The following CELF2 variants were observed in gnomAD, a reference collection of about 807,000 sequenced individuals.
CELF2 encodes CUG triplet repeat RNA-binding protein 2.
In CELF2, 8 loss-of-function variants were observed where a neutral mutation model predicts 62.6. The ratio of observed to expected loss-of-function variants is 0.13; its 90% confidence interval spans 0.07 to 0.23. The LOEUF (loss-of-function observed/expected upper bound fraction) is 0.23, where lower values mean the gene tolerates loss of function less well. Ranked by LOEUF, CELF2 falls within the 10% of genes least tolerant of loss-of-function variation. The pLI, the probability that CELF2 is intolerant of heterozygous loss-of-function variation, is 1.00. For missense variants in CELF2, 333 were observed against 671.0 expected (o/e 0.50, Z 5.56); for synonymous variants, 258 against 250.0 (o/e 1.03, Z -0.30).
chr10:10,510,759 G>A, the CELF2 span, among the ~76,000 whole-genome samples: 1 of 152,162 alleles, frequency 6.6e-6, no homozygotes, highest in South Asian at 2.1e-4. Context: ...AAGAGTGCTG[G>A]GCAGTTGATG....
At chr10:10,883,678 C>T (rs112736675) in intron 1 of CELF2, among the ~76,000 whole-genome samples, 117 of 152,138 alleles carry the variant, frequency 7.7e-4, no homozygotes, top group African/African-American at 2.5e-3. Context: ...TGAGACGGTG[C>T]GGAGTCCTGT....
chr10:11,053,739 C>T (rs1026146458), intron 1 of CELF2, among the ~76,000 whole-genome samples: 12 of 151,412 alleles, frequency 7.9e-5, no homozygotes, highest in African/African-American at 1.7e-4. Flanking sequence ...CTCAGCCTCC[C>T]GAGTAGCTGG....
chr10:10,476,739 T>C, the CELF2 span, among the ~76,000 whole-genome samples: 1 of 152,174 alleles, frequency 6.6e-6, no homozygotes, highest in Admixed American at 6.6e-5. Flanking sequence ...ATGAGAACCT[T>C]TGCATATTCT....
intron 1 of CELF2, among the ~76,000 whole-genome samples, chr10:10,857,649 G>GTTTTTA (rs1554855649): frequency 3.2e-5 from 3 of 94,258 alleles, no homozygotes; most frequent in Non-Finnish European, 5.8e-5. Context: ...CATATATATA[G>GTTTTTA]TATATATATA....
the CELF2 span, among the ~76,000 whole-genome samples, chr10:10,717,516 A>G: frequency 1.5e-4 from 23 of 152,304 alleles, no homozygotes; most frequent in African/African-American, 5.3e-4. Flanking sequence ...AAATAAATTT[A>G]TATTTAGTTC....
At chr10:10,642,969 T>C in the CELF2 span, among the ~76,000 whole-genome samples, 1 of 152,278 alleles carries the variant, frequency 6.6e-6, no homozygotes, top group African/African-American at 2.4e-5. Flanking sequence ...ATTCCTCATC[T>C]GTGTCTGTGG....
At chr10:11,025,940 ACT>A (rs1338153769) in intron 1 of CELF2, among the ~76,000 whole-genome samples, 4 of 151,710 alleles carry the variant, frequency 2.6e-5, no homozygotes, top group African/African-American at 9.7e-5. Context: ...AAAAGCTCAG[ACT>A]CTTTCCCTTT....
intron 1 of CELF2, among the ~76,000 whole-genome samples, chr10:10,830,300 C>T (rs534070808): frequency 2.5e-5 from 3 of 120,094 alleles, no homozygotes; most frequent in East Asian, 2.5e-4. Flanking sequence ...AAAAAAAAGC[C>T]GACAGAAGGA....
At chr10:10,695,740 G>C in the CELF2 span, among the ~76,000 whole-genome samples, 1 of 151,942 alleles carries the variant, frequency 6.6e-6, no homozygotes, top group African/African-American at 2.4e-5. Flanking sequence ...TTCCCATCTC[G>C]CTTCATTTCA....
At chr10:10,523,470 T>C in the CELF2 span, among the ~76,000 whole-genome samples, 4 of 152,234 alleles carry the variant, frequency 2.6e-5, no homozygotes, top group African/African-American at 7.2e-5. Context: ...TATCTTACTA[T>C]AGTGCTGTAT....
chr10:10,780,085 A>G, the CELF2 span, among the ~76,000 whole-genome samples: 208 of 152,288 alleles, frequency 1.4e-3, no homozygotes, highest in African/African-American at 4.9e-3. Context: ...TGACAGTAGA[A>G]TGTTTTGTGT....
At chr10:10,544,819 G>A in the CELF2 span, among the ~76,000 whole-genome samples, 494 of 152,292 alleles carry the variant, frequency 3.2e-3, 2 homozygotes, top group Middle Eastern at 0.017. Flanking sequence ...TCACTGACAA[G>A]AACTGAATAG....
In CELF2 at chr10:10,939,273, T is replaced by TGTGGTG. The variant is rs879457464; in HGVS notation, c.89+19275_89+19280dup. Among the ~76,000 whole-genome samples the TGTGGTG allele has an allele frequency of 4.3e-3, 431 of 99,122 alleles. 2 individuals carry two copies. The highest frequency in any genetic ancestry group is 0.024 in the African/African-American group (410 of 17,390). The allele number at this position is 99,122 out of a possible 152,430, so 65.0% of individuals were successfully genotyped here. A position where few individuals can be genotyped will look rare whatever the true frequency, so the allele number is the denominator to read the frequency against. ...TGATAATTAGCAAGTTCTTTTGTTT[T>TGTGGTG]GTGGTGTTGTTGTTGTTGTTGTTGT... On this transcript the variant is annotated intron_variant, in intron 2 of 13. Transcript: ENST00000636488.
chr10:11,286,176 C>A (rs1225037035), intron 8 of CELF2, among the ~76,000 whole-genome samples: 1 of 152,200 alleles, frequency 6.6e-6, no homozygotes, highest in Admixed American at 6.5e-5. Context: ...ATGTCTCTGA[C>A]CCAAGTGGGC....
In CELF2 at chr10:11,165,408, TC is replaced by T. The variant is rs1393988979; in HGVS notation, c.75-73del. 1.4e-6 allele frequency: 2 copies of T among 1,474,822 alleles called. No homozygotes were observed. Among genetic ancestry groups the T allele is most frequent in the Non-Finnish European group, 1.8e-6 (2 of 1,095,644 alleles). The allele number at this position is 1,474,822 out of a possible 1,614,324, so 91.4% of individuals were successfully genotyped here. On this transcript the variant is annotated intron_variant, in intron 1 of 12. Transcript: ENST00000633077. The surrounding 1 kb of genome is among the most constrained non-coding windows in gnomAD (Gnocchi z 7.4). ...CTTCCTCCTCCTTCCGCCTCCCCGC[TC>T]CCCCACCCCCACTATTTTTTCTTCC...
intron 1 of CELF2, among the ~76,000 whole-genome samples, chr10:11,076,234 C>T (rs1254032593): frequency 6.6e-6 from 1 of 151,508 alleles, no homozygotes; most frequent in South Asian, 2.1e-4. Flanking sequence ...TACTCCTCCT[C>T]GAGAAAGATT....
At chr10:10,697,949 C>T in the CELF2 span, among the ~76,000 whole-genome samples, 2 of 152,162 alleles carry the variant, frequency 1.3e-5, no homozygotes, top group South Asian at 4.1e-4. Flanking sequence ...TGTGCCACTA[C>T]TCCCAGCTAA....
chr10:10,545,950 C>T, the CELF2 span, among the ~76,000 whole-genome samples: 10 of 152,142 alleles, frequency 6.6e-5, no homozygotes, highest in African/African-American at 2.4e-4. Flanking sequence ...AGCTCCTCCT[C>T]AGAGGTGTTT....
chr10:11,036,551 A>G (rs1253558983), intron 1 of CELF2, among the ~76,000 whole-genome samples: 2 of 152,216 alleles, frequency 1.3e-5, no homozygotes, highest in Non-Finnish European at 2.9e-5. Context: ...TCATTGACAT[A>G]TTGGACATTC....
Sources: gnomAD v4.1 joint callset for allele counts (sites outside exome capture counted in the v4.1 genomes callset) on GRCh38, gnomAD v4.1.1 for gene constraint, Gnocchi (gnomAD v3.1) non-coding constraint, MANE v1.5 for transcripts, NCBI Gene and HGNC (gene_info 2026-07-23, HGNC 2026-07-21) for gene names.